The following KCNH1 variants were observed in gnomAD, a reference collection of about 807,000 sequenced individuals.
KCNH1 encodes voltage-gated delayed rectifier potassium channel KCNH1.
In KCNH1, 27 loss-of-function variants were observed where a neutral mutation model predicts 69.2. The ratio of observed to expected loss-of-function variants is 0.39; its 90% CI spans 0.29 to 0.54. The LOEUF (loss-of-function observed/expected upper bound fraction) is 0.54, where lower values mean the gene tolerates loss of function less well. KCNH1 is among the 20% of genes least tolerant of loss of function. The pLI is 0.68. For synonymous variants in KCNH1, 456 were observed against 487.7 expected (o/e 0.93, Z 0.86); for missense variants, 798 against 1,261.6 (o/e 0.63, Z 5.57).
At chr1:210,916,163 T>G (rs564035605) in intron 7 of KCNH1, among the ~76,000 whole-genome samples, 3 of 152,246 alleles carry the variant, frequency 2.0e-5, no homozygotes, top group East Asian at 3.9e-4. Flanking sequence ...TGTATACATG[T>G]GTATACACGG....
intron 10 of KCNH1, among the ~76,000 whole-genome samples, chr1:210,773,469 G>A (rs1161863230): frequency 6.6e-6 from 1 of 152,156 alleles, no homozygotes; most frequent in African/African-American, 2.4e-5. Context: ...TCTCTGTGCA[G>A]GGACCCACAA....
chr1:210,987,829 A>G (rs1402453055), intron 6 of KCNH1, among the ~76,000 whole-genome samples: 1 of 152,194 alleles, frequency 6.6e-6, no homozygotes, highest in Non-Finnish European at 1.5e-5. Context: ...GGGATATTTA[A>G]GTCTGCAGAG....
At chr1:211,108,147 C>A (rs893674539) in intron 1 of KCNH1, among the ~76,000 whole-genome samples, 1 of 152,206 alleles carries the variant, frequency 6.6e-6, no homozygotes, top group African/African-American at 2.4e-5. Flanking sequence ...TTAGGGTATT[C>A]TCACTACTTC....
At chr1:210,704,125 G>A (rs1280802237) in intron 10 of KCNH1, among the ~76,000 whole-genome samples, 2 of 152,084 alleles carry the variant, frequency 1.3e-5, no homozygotes, top group Non-Finnish European at 2.9e-5. Flanking sequence ...GGTCAAGGGT[G>A]GGGAAAGCTT....
At chr1:210,740,691 ATT>A in intron 10 of KCNH1, among the ~76,000 whole-genome samples, 1 of 147,572 alleles carries the variant, frequency 6.8e-6, no homozygotes, top group East Asian at 1.9e-4. Context: ...CTCTGATTAA[ATT>A]TTATGATTAA....
At chr1:210,854,054 T>C (rs1004254842) in intron 7 of KCNH1, among the ~76,000 whole-genome samples, 2 of 149,722 alleles carry the variant, frequency 1.3e-5, no homozygotes, top group Admixed American at 1.3e-4. Flanking sequence ...CCAAAAATCA[T>C]GTTATTCCAG....
chr1:210,982,420 TC>T (rs1219918001), intron 6 of KCNH1, among the ~76,000 whole-genome samples: 1 of 151,870 alleles, frequency 6.6e-6, no homozygotes, highest in Non-Finnish European at 1.5e-5. Context: ...CCCTCCCCCT[TC>T]CCCCCACTCC....
At chr1:210,704,650 A>C (rs1169084793) in intron 10 of KCNH1, among the ~76,000 whole-genome samples, 1 of 152,210 alleles carries the variant, frequency 6.6e-6, no homozygotes, top group Non-Finnish European at 1.5e-5. Flanking sequence ...AGAGGCTGAG[A>C]GAGACAAGAT....
At chr1:211,132,984 C>G (rs767318034) in intron 1 of KCNH1, 1 of 152,242 alleles carries the variant, frequency 6.6e-6, no homozygotes, top group Non-Finnish European at 1.5e-5. Context: ...TCCATCCCCG[C>G]TCCTAGGACT....
At chr1:210,977,544 A>G (rs1228096892) in intron 6 of KCNH1, among the ~76,000 whole-genome samples, 1 of 151,888 alleles carries the variant, frequency 6.6e-6, no homozygotes, top group Non-Finnish European at 1.5e-5. Flanking sequence ...TGTAATTTCT[A>G]CTATTTTGAA....
intron 7 of KCNH1, among the ~76,000 whole-genome samples, chr1:210,814,140 C>T (rs1309339132): frequency 6.6e-6 from 1 of 152,102 alleles, no homozygotes; most frequent in East Asian, 1.9e-4. Flanking sequence ...CATTGCCATG[C>T]TAGCAGATCA....
At chr1:211,116,915 G>A (rs767975090) in intron 1 of KCNH1, among the ~76,000 whole-genome samples, 14 of 152,150 alleles carry the variant, frequency 9.2e-5, no homozygotes, top group Non-Finnish European at 1.6e-4. Flanking sequence ...AGCTGATTCC[G>A]TATTTTGACC....
At chr1:210,799,956 C>T (rs1209990694) in intron 8 of KCNH1, among the ~76,000 whole-genome samples, 1 of 152,226 alleles carries the variant, frequency 6.6e-6, no homozygotes, top group African/African-American at 2.4e-5. Context: ...CCTTCCCCTC[C>T]AGGTGACACT....
chr1:210,818,577 G>A (rs772932913), intron 7 of KCNH1, among the ~76,000 whole-genome samples: 5 of 152,292 alleles, frequency 3.3e-5, no homozygotes, highest in Middle Eastern at 3.4e-3. Context: ...AGATTTTGGT[G>A]AGGATTAAAT....
At chr1:210,963,868 T>G (rs776136860) in intron 6 of KCNH1, among the ~76,000 whole-genome samples, 4 of 152,078 alleles carry the variant, frequency 2.6e-5, no homozygotes, top group Admixed American at 6.6e-5. Flanking sequence ...AAAACACTCT[T>G]CAGGATATTA....
intron 6 of KCNH1, among the ~76,000 whole-genome samples, chr1:210,979,201 G>A (rs1223303475): frequency 6.6e-6 from 1 of 152,168 alleles, no homozygotes; most frequent in African/African-American, 2.4e-5. Context: ...AAACCTCGAT[G>A]CTAACAAAGC....
At chr1:211,035,599 T>G (rs187649002) in intron 5 of KCNH1, among the ~76,000 whole-genome samples, 1 of 152,310 alleles carries the variant, frequency 6.6e-6, no homozygotes, top group East Asian at 1.9e-4. Flanking sequence ...TCTTTCCAAG[T>G]CTTTATATAA....
intron 10 of KCNH1, among the ~76,000 whole-genome samples, chr1:210,694,387 A>C (rs1194114344): frequency 6.6e-6 from 1 of 151,928 alleles, no homozygotes; most frequent in East Asian, 1.9e-4. Flanking sequence ...TGACTGACTG[A>C]CAGGTATCTT....
At chr1:210,892,195 C>A (rs999764471) in intron 7 of KCNH1, among the ~76,000 whole-genome samples, 2 of 151,396 alleles carry the variant, frequency 1.3e-5, no homozygotes, top group African/African-American at 4.9e-5. Flanking sequence ...ACATGTATCC[C>A]AGAACTTAAA....
Sources: gnomAD v4.1 joint callset for allele counts (sites outside exome capture counted in the v4.1 genomes callset) on GRCh38, gnomAD v4.1.1 for gene constraint, MANE v1.5 for transcripts, NCBI Gene and HGNC (gene_info 2026-07-23, HGNC 2026-07-21) for gene names.